Variants in RASGRF1 observed in about 807,000 individuals in gnomAD.
RASGRF1 encodes the protein ras-specific guanine nucleotide-releasing factor 1.
RASGRF1 carries 40 observed loss-of-function variants against 138.7 expected under a neutral mutation model. That is an observed-to-expected ratio of 0.29 (90% CI 0.22 to 0.38). The LOEUF is 0.38. Ranked by LOEUF, RASGRF1 falls within the 10% of genes least tolerant of loss-of-function variation. The probability of loss-of-function intolerance (pLI) is 1.00; values close to 1 mark genes in which losing one functional copy is unlikely to be tolerated. For synonymous variants in RASGRF1, 614 were observed against 663.2 expected (o/e 0.93, Z 1.14); for missense variants, 1,108 against 1,650.4 (o/e 0.67, Z 5.69).
Position 79,020,132 on chromosome 15 carries a change from G to A in RASGRF1, c.1543-28C>T, listed in dbSNP as rs770977812. 1.9e-6 allele frequency: 3 copies of A among 1,606,112 alleles called. No individual in the cohort carries two copies. In the Admixed American group the frequency reaches 5.0e-5, roughly 27 times the overall value. The stretch of plus-strand genomic sequence containing the variant: ...GAAAAAGAGCAGCAGGGGCTGCTTT[G>A]GATTGAGGGGTAGATATGCTGGTTT... On this transcript the variant is annotated intron_variant, in intron 10 of 26. Coordinates refer to ENST00000558480, the MANE Select transcript of RASGRF1 (RefSeq NM_001145648.3).
chr15:78,979,211 G>A (rs1340723545), intron 24 of RASGRF1: 1 of 1,248,552 alleles, frequency 8.0e-7, no homozygotes, highest in African/African-American at 1.5e-5. Flanking sequence ...ATCTGTCTGA[G>A]GACACAAACA....
chr15:79,089,501 G>T (rs1445203826), intron 1 of RASGRF1, among the ~76,000 whole-genome samples: 2 of 152,256 alleles, frequency 1.3e-5, no homozygotes, highest in Non-Finnish European at 2.9e-5. Context: ...CGGCGGCGGC[G>T]CAGGGGGCGG....
At position 79,004,154 on chromosome 15, in the gene RASGRF1, G is replaced by A. The variant is rs760283982; in HGVS notation, c.2097C>T (p.Ala699=). ...ACAGGAGCTTATTGTTCTGGCCACT[G>A]GCAAACAGGAGCTCCAGCGACCTGT... is the stretch of plus-strand genomic sequence containing the variant. ...IPARSLELLF[A]SGQNNKLLYG... The change falls in exon 15 of 27, where the codon GCC becomes GCT. Residue 699 remains alanine, a synonymous_variant. Coordinates refer to ENST00000558480, the MANE Select transcript of RASGRF1 (RefSeq NM_001145648.3). 8 of 1,590,424 alleles carry A rather than the reference G, an allele frequency of 5.0e-6. No individual in the cohort carries two copies. The highest frequency in any genetic ancestry group is 6.9e-6 in the Non-Finnish European group (8 of 1,164,998).
intron 13 of RASGRF1, among the ~76,000 whole-genome samples, chr15:79,007,687 G>A (rs934236321): frequency 6.6e-6 from 1 of 151,224 alleles, no homozygotes; most frequent in African/African-American, 2.4e-5. Flanking sequence ...CAGTAGCTGG[G>A]ATTACAGGTA....
At chr15:79,000,271 C>T (rs927608649) in intron 16 of RASGRF1, among the ~76,000 whole-genome samples, 2 of 152,240 alleles carry the variant, frequency 1.3e-5, no homozygotes, top group Non-Finnish European at 2.9e-5. Flanking sequence ...TTCTTACCCT[C>T]TCAGTCTACT....
At chr15:79,079,996 GGC>G (rs1330350260) in intron 1 of RASGRF1, among the ~76,000 whole-genome samples, 1 of 152,182 alleles carries the variant, frequency 6.6e-6, no homozygotes, top group African/African-American at 2.4e-5. Flanking sequence ...GACTCATGGG[GGC>G]ATGCCCTATA....
At chr15:78,991,914 A>C in intron 20 of RASGRF1, 120 bp from the exon 21 acceptor site, 2 of 708,552 alleles carry the variant, frequency 2.8e-6, no homozygotes, top group Non-Finnish European at 2.5e-6. Context: ...TGGACGGGGT[A>C]TGACGCTGCC....
rs1384104413 is a variant in RASGRF1 at position 78,962,097 on chromosome 15, T to TCTAG, written c.*43_*46dup. ...AACCAAACGAATATGTACAGTATCA[T>TCTAG]CTAGCACATGTCCCCGGGAGCAGCT... is the stretch of plus-strand genomic sequence containing the variant. On this transcript the variant is annotated 3_prime_UTR_variant, in exon 27 of 27. Transcript: ENST00000558480. 8.3e-7 allele frequency: 1 copy of TCTAG among 1,200,820 alleles called. No homozygotes were observed. The highest frequency in any genetic ancestry group is 1.2e-6 in the Non-Finnish European group (1 of 824,424). The allele number at this position is 1,200,820 out of a possible 1,614,324, so 74.4% of individuals were successfully genotyped here.
At chr15:79,000,721 C>T (rs1244919141) in intron 16 of RASGRF1, among the ~76,000 whole-genome samples, 1 of 152,200 alleles carries the variant, frequency 6.6e-6, no homozygotes, top group African/African-American at 2.4e-5. Flanking sequence ...GTATTTAATG[C>T]TGTGAGGCAC....
At chr15:79,039,088 G>A (rs1328717257) in intron 5 of RASGRF1, among the ~76,000 whole-genome samples, 1 of 151,950 alleles carries the variant, frequency 6.6e-6, no homozygotes, top group Non-Finnish European at 1.5e-5. Flanking sequence ...GGAGGCTGAG[G>A]CAGGAGGATC....
rs2055809495 is a variant in RASGRF1, at chr15:78,973,336, T to C, written c.3579A>G (p.Glu1193=). ...FIEEGTPNYT[E]DGLVNFSKMR... is the part of the protein sequence containing the mutation. ...TCTTGGAGAAGTTGACCAGGCCGTC[T>C]TCCGTGTAATTGGGCGTCCCCTCCT... is the stretch of plus-strand genomic sequence containing the variant. The change falls in exon 25 of 27, where the codon GAA becomes GAG. Residue 1193 remains glutamate (E), a synonymous_variant. Transcript: ENST00000558480. The surrounding 1 kb of genome is among the most constrained non-coding windows in gnomAD (Gnocchi z 4.9). 1 of 1,613,654 alleles carries C rather than the reference T, an allele frequency of 6.2e-7. No individual in the cohort carries two copies. The highest frequency in any genetic ancestry group is 8.5e-7 in the Non-Finnish European group (1 of 1,179,668).
intron 10 of RASGRF1, among the ~76,000 whole-genome samples, chr15:79,021,755 T>G (rs2056964580): frequency 1.3e-5 from 2 of 152,158 alleles, no homozygotes; most frequent in African/African-American, 2.4e-5. Context: ...TCACTTCCCT[T>G]GTCTATATAA....
At chr15:78,992,741 C>T (rs1371922967) in intron 20 of RASGRF1, among the ~76,000 whole-genome samples, 2 of 152,188 alleles carry the variant, frequency 1.3e-5, no homozygotes, top group African/African-American at 4.8e-5. Context: ...TCACTTTACC[C>T]TGTCCAGAAG....
chr15:78,972,140 G>A (rs1375264535), intron 25 of RASGRF1, among the ~76,000 whole-genome samples: 1 of 152,170 alleles, frequency 6.6e-6, no homozygotes, highest in African/African-American at 2.4e-5. Flanking sequence ...CTGTCGCCCA[G>A]GCTGGAGTGC....
At chr15:79,005,768 T>C in intron 14 of RASGRF1, 1 of 407,518 alleles carries the variant, frequency 2.5e-6, no homozygotes, top group Non-Finnish European at 3.2e-6. Context: ...CCTCTCTCCC[T>C]TTATTTTTCT....
chr15:79,068,458 G>A (rs1046444249), intron 1 of RASGRF1, among the ~76,000 whole-genome samples: 2 of 139,742 alleles, frequency 1.4e-5, no homozygotes, highest in Admixed American at 7.5e-5. Context: ...CTGGGCTCAA[G>A]GTCTTTTTGA....
At chr15:79,035,618 C>G (rs2057210022) in intron 5 of RASGRF1, among the ~76,000 whole-genome samples, 1 of 152,200 alleles carries the variant, frequency 6.6e-6, no homozygotes, top group Non-Finnish European at 1.5e-5. Context: ...CTGGCAAACA[C>G]GAGTAAAAGC....
chr15:79,079,577 G>A (rs2057886499), intron 1 of RASGRF1, among the ~76,000 whole-genome samples: 1 of 152,102 alleles, frequency 6.6e-6, no homozygotes, highest in Admixed American at 6.5e-5. Context: ...AAAACATGGT[G>A]CAGACTGTGT....
At chr15:79,075,284 C>A (rs559585456) in intron 1 of RASGRF1, among the ~76,000 whole-genome samples, 1 of 152,228 alleles carries the variant, frequency 6.6e-6, no homozygotes, top group Non-Finnish European at 1.5e-5. Context: ...TGTGCCAGGA[C>A]TAGACTCACA....
Sources: gnomAD v4.1 joint callset for allele counts (sites outside exome capture counted in the v4.1 genomes callset) on GRCh38, gnomAD v4.1.1 for gene constraint, Gnocchi (gnomAD v3.1) non-coding constraint, MANE v1.5 for transcripts, NCBI Gene and HGNC (gene_info 2026-07-23, HGNC 2026-07-21) for gene names.